The following MARCO variants were observed in gnomAD, a reference collection of about 807,000 sequenced individuals.
MARCO encodes macrophage receptor with collagenous structure.
Under a neutral mutation model 70.0 loss-of-function variants are expected in MARCO, and 72 were observed. The observed-to-expected ratio is 1.03, with a 90% CI of 0.85 to 1.25. The LOEUF is 1.25. Ranked by LOEUF, MARCO falls within the 50% of genes most tolerant of loss-of-function variation. MARCO has a pLI of 0.00. For synonymous variants in MARCO, 273 were observed against 243.1 expected, an observed-to-expected ratio of 1.12 and a Z score of -1.14; for missense variants, 696 against 659.3, an observed-to-expected ratio of 1.06 and a Z score of -0.61.
chr2:118,991,582 G>C (rs1395704094), intron 13 of MARCO, among the ~76,000 whole-genome samples, 195 bp from the exon 14 acceptor site: 1 of 152,324 alleles, frequency 6.6e-6, no homozygotes, highest in East Asian at 1.9e-4. Context: ...GCCTGTTCTC[G>C]ACAGCATTTA....
intron 8 of MARCO, 151 bp from the exon 9 acceptor site, chr2:118,981,258 G>T: frequency 1.6e-6 from 1 of 639,510 alleles, no homozygotes; most frequent in Non-Finnish European, 2.8e-6. Flanking sequence ...CTCCTTGAGG[G>T]CAGCGGTCAT....
intron 3 of MARCO, 91 bp from the exon 4 acceptor site, chr2:118,971,408 C>T: frequency 1.6e-6 from 2 of 1,253,854 alleles, no homozygotes; most frequent in Non-Finnish European, 2.3e-6. Context: ...GAGGGCTTAC[C>T]CTCCCACTGC....
intron 13 of MARCO, among the ~76,000 whole-genome samples, chr2:118,991,241 T>A (rs536160655): frequency 4.9e-4 from 70 of 144,080 alleles, no homozygotes; most frequent in African/African-American, 1.7e-3. Flanking sequence ...AGATATTCTA[T>A]TATGTTTTAT....
At chr2:118,972,576 G>A (rs1255753462) in intron 4 of MARCO, among the ~76,000 whole-genome samples, 1 of 152,156 alleles carries the variant, frequency 6.6e-6, no homozygotes, top group Non-Finnish European at 1.5e-5. Context: ...CCTAGGATTG[G>A]TGTCAGGATA....
chr2:118,988,241 C>T (rs1680552882), intron 12 of MARCO, among the ~76,000 whole-genome samples: 1 of 152,064 alleles, frequency 6.6e-6, no homozygotes, highest in Non-Finnish European at 1.5e-5. Context: ...GAGGGAGAGT[C>T]AGGCTTGGGG....
intron 13 of MARCO, 79 bp downstream of exon 13, chr2:118,990,712 C>T: frequency 7.3e-7 from 1 of 1,371,338 alleles, no homozygotes; most frequent in Non-Finnish European, 1.0e-6. Context: ...GTCTTGTTGA[C>T]ATTGAATGCA....
intron 15 of MARCO, 134 bp downstream of exon 15, chr2:118,992,610 C>T (rs1028111532): frequency 9.6e-6 from 7 of 726,656 alleles, no homozygotes; most frequent in Middle Eastern, 4.8e-4. Context: ...GGGTCTAGTC[C>T]CTTGAATGAG....
intron 1 of MARCO, among the ~76,000 whole-genome samples, chr2:118,957,259 A>G (rs1679854791): frequency 6.6e-6 from 1 of 152,152 alleles, no homozygotes; most frequent in African/African-American, 2.4e-5. Context: ...GAAGGAAAGA[A>G]GAGAGAAAAA....
intron 8 of MARCO, among the ~76,000 whole-genome samples, chr2:118,980,893 G>A (rs1346584692): frequency 6.6e-6 from 1 of 152,312 alleles, no homozygotes; most frequent in South Asian, 2.1e-4. Flanking sequence ...GCTAGGATGA[G>A]CTCTGAATTC....
chr2:118,964,819 T>C (rs1248042500), intron 1 of MARCO, among the ~76,000 whole-genome samples: 1 of 149,042 alleles, frequency 6.7e-6, no homozygotes, highest in Non-Finnish European at 1.5e-5. Flanking sequence ...ACCCAGGAGA[T>C]GGAGGTTGAA....
chr2:118,946,343 A>G (rs1470151971), intron 1 of MARCO, among the ~76,000 whole-genome samples: 1 of 152,150 alleles, frequency 6.6e-6, no homozygotes, highest in Non-Finnish European at 1.5e-5. Context: ...ACCAGCAGTC[A>G]TCAACCCCTG....
chr2:118,975,097 C>A (rs1356028379), intron 6 of MARCO, among the ~76,000 whole-genome samples: 1 of 152,154 alleles, frequency 6.6e-6, no homozygotes, highest in East Asian at 1.9e-4. Flanking sequence ...TATTAGTTTC[C>A]ATTTTTTTAG....
intron 1 of MARCO, among the ~76,000 whole-genome samples, chr2:118,960,422 G>T (rs2104563778): frequency 6.6e-6 from 1 of 152,160 alleles, no homozygotes; most frequent in East Asian, 1.9e-4. Flanking sequence ...TTTTTAAGTT[G>T]AGGAAGTTCT....
rs188217391 is a variant in MARCO at position 118,972,079 on chromosome 2, C to T, written c.460+545C>T. ...GTCAGTTACTTAAGTTTTCTGGAGC[C>T]CCAGCCACTCACCTGTGTAGGAAGC... On this transcript the variant is annotated intron_variant, in intron 4 of 16. Coordinates refer to ENST00000327097, the MANE Select transcript of MARCO (RefSeq NM_006770.4). Among the ~76,000 whole-genome samples, 3 of 152,306 alleles carry T rather than the reference C, an allele frequency of 2.0e-5. No homozygotes were observed. In the East Asian group the frequency reaches 5.8e-4, roughly 29 times the overall value.
At position 118,994,456 on chromosome 2, in the gene MARCO, A is replaced by G. The variant is rs1426730218; in HGVS notation, c.1499A>G (p.Lys500Arg). 2 of 1,613,774 alleles carry G rather than the reference A, an allele frequency of 1.2e-6. No individual in the cohort carries two copies. The highest frequency in any genetic ancestry group is 1.7e-6 in the Non-Finnish European group (2 of 1,179,934). The part of the protein sequence containing the change: ...GTESTLWSCT[K>R]NSWGHHDCSH... Reference sequence around the variant, plus strand: ...GAGAGTACCCTGTGGAGCTGCACCAAGAATAGCTGGGGCCATCATGACTGC... The same window carrying G: ...GAGAGTACCCTGTGGAGCTGCACCAGGAATAGCTGGGGCCATCATGACTGC... The change falls in exon 17 of 17, where the codon AAG (lysine) becomes AGG (arginine). Residue 500 changes from lysine (K) to arginine (R), a missense_variant. This residue lies in a region of MARCO where 58 missense variants were observed against 62.1 expected (regional missense o/e 0.93). Transcript: ENST00000327097.
chr2:118,983,366 A>G (rs1482804580), intron 12 of MARCO, among the ~76,000 whole-genome samples: 1 of 152,146 alleles, frequency 6.6e-6, no homozygotes, highest in Non-Finnish European at 1.5e-5. Context: ...TAATCAATTG[A>G]TTGATTCATT....
Position 118,993,105 on chromosome 2 carries a change from T to C in MARCO, c.1253-19T>C, listed in dbSNP as rs758477689. The stretch of plus-strand genomic sequence containing the variant: ...CAAGGGGCCTTCCTTGCCTCTCCCA[T>C]GTGTGTTTCTTCACCCAGGTGAAAA... On this transcript the variant is annotated intron_variant, in intron 15 of 16. Coordinates refer to ENST00000327097, the MANE Select transcript of MARCO (RefSeq NM_006770.4). The C allele has an allele frequency of 6.2e-7, 1 of 1,613,242 alleles. No individual in the cohort carries two copies. The highest frequency in any genetic ancestry group is 8.5e-7 in the Non-Finnish European group (1 of 1,179,290).
chr2:118,975,022 G>A (rs1431039486), intron 6 of MARCO, among the ~76,000 whole-genome samples: 2 of 152,214 alleles, frequency 1.3e-5, no homozygotes, highest in African/African-American at 2.4e-5. Context: ...GGATGAGAGG[G>A]CTGCAGAGGG....
chr2:118,982,478 G>T, intron 12 of MARCO, 68 bp downstream of exon 12: 6 of 1,471,984 alleles, frequency 4.1e-6, no homozygotes, highest in East Asian at 2.3e-5. Flanking sequence ...GAGAAAAACT[G>T]CTTCTTCTTA....
Sources: gnomAD v4.1 joint callset for allele counts (sites outside exome capture counted in the v4.1 genomes callset) on GRCh38, gnomAD v4.1.1 for gene constraint, gnomAD v4.1.1 regional missense constraint, MANE v1.5 for transcripts, NCBI Gene and HGNC (gene_info 2026-07-23, HGNC 2026-07-21) for gene names.